Variants in RAB3IL1 observed in about 807,000 individuals in gnomAD.
RAB3IL1 encodes guanine nucleotide exchange factor for Rab-3A.
Under a neutral mutation model 49.2 loss-of-function variants are expected in RAB3IL1, and 37 were observed. That is an observed-to-expected ratio of 0.75 (90% CI 0.58 to 0.99). The LOEUF (loss-of-function observed/expected upper bound fraction) is 0.99. Ranked by LOEUF, RAB3IL1 falls within the 50% of genes least tolerant of loss-of-function variation. The pLI, the probability that RAB3IL1 is intolerant of heterozygous loss-of-function variation, is 0.00. For synonymous variants in RAB3IL1, 193 were observed against 213.9 expected (o/e 0.90, Z 0.85); for missense variants, 484 against 513.0 (o/e 0.94, Z 0.55).
At chr11:61,928,523 A>C in the RAB3IL1 span, among the ~76,000 whole-genome samples, 1 of 151,724 alleles carries the variant, frequency 6.6e-6, no homozygotes, top group Non-Finnish European at 1.5e-5. Flanking sequence ...GACCCTCAAA[A>C]TACATGGAGC....
At chr11:61,926,104 C>CAAAAAAAAAAAAAAA in the RAB3IL1 span, among the ~76,000 whole-genome samples, 7 of 64,058 alleles carry the variant, frequency 1.1e-4, no homozygotes, top group East Asian at 9.8e-4. Flanking sequence ...TCCTTCCTGC[C>CAAAAAAAAAAAAAAA]AAAAAAAAAA....
Position 61,904,541 on chromosome 11 carries a change from C to T in RAB3IL1, c.899+5G>A, listed in dbSNP as rs1345186428. The T allele has an allele frequency of 3.1e-6, 5 of 1,602,838 alleles. No individual in the cohort carries two copies. The highest frequency in any genetic ancestry group is 1.3e-5 in the African/African-American group (1 of 74,836). ...GGCAGGAAGGAGCTAAGACCCTCAG[C>T]TTACTTGGTGCTGCTACAGTCAACC... On this transcript the variant is annotated splice_donor_5th_base_variant and intron_variant, in intron 7 of 9. Coordinates refer to ENST00000394836, the MANE Select transcript of RAB3IL1 (RefSeq NM_013401.4).
In RAB3IL1 at chr11:61,898,496, C is replaced by T. The variant is rs1938726316; in HGVS notation, c.1067-136G>A. The T allele has an allele frequency of 1.4e-6, 1 of 709,838 alleles. No individual in the cohort carries two copies. Among genetic ancestry groups the T allele is most frequent in the East Asian group, 2.5e-5 (1 of 39,896 alleles). The allele number at this position is 709,838 out of a possible 1,614,324, so 44.0% of individuals were successfully genotyped here. A position where few individuals can be genotyped will look rare whatever the true frequency, so the allele number is the denominator to read the frequency against. On this transcript the variant is annotated intron_variant, in intron 9 of 9. Transcript: ENST00000394836. The surrounding 1 kb of genome is among the most constrained non-coding windows in gnomAD (Gnocchi z 5.1). ...GGTCCCCGGCCCCCAAAACAGATGA[C>T]CTCAGTGAGTGGCTGGACCTCTCTG...
intron 1 of RAB3IL1, among the ~76,000 whole-genome samples, chr11:61,910,701 T>G (rs934437824): frequency 6.6e-5 from 10 of 152,148 alleles, no homozygotes; most frequent in African/African-American, 2.4e-4. Context: ...CTGTGGACCC[T>G]TGCCAAGAAG....
At chr11:61,922,106 G>A (rs929795200), upstream of RAB3IL1, among the ~76,000 whole-genome samples, 46 of 152,252 alleles carry the variant, frequency 3.0e-4, no homozygotes, top group African/African-American at 1.1e-3. Context: ...CTACTCGGGA[G>A]GCTGAGGCAG....
chr11:61,937,582 T>G, the RAB3IL1 span, among the ~76,000 whole-genome samples: 1 of 151,956 alleles, frequency 6.6e-6, no homozygotes, highest in African/African-American at 2.4e-5. Flanking sequence ...TGGTAGGGCT[T>G]GAGTCACCAT....
chr11:61,920,232 G>C (rs1424730402), upstream of RAB3IL1: 4 of 1,241,932 alleles, frequency 3.2e-6, no homozygotes, highest in Non-Finnish European at 4.0e-6. Context: ...GGAGGGTGCC[G>C]GGAAGGGAGG....
intron 1 of RAB3IL1, among the ~76,000 whole-genome samples, chr11:61,915,553 C>T (rs531446433): frequency 6.6e-6 from 1 of 152,262 alleles, no homozygotes; most frequent in Non-Finnish European, 1.5e-5. Context: ...CTGAGTCCAC[C>T]CAGCCGGCAC....
chr11:61,902,116 T>A (rs1163979546), intron 8 of RAB3IL1, among the ~76,000 whole-genome samples: 1 of 151,670 alleles, frequency 6.6e-6, no homozygotes, highest in Non-Finnish European at 1.5e-5. Flanking sequence ...GGAGTTCGAG[T>A]TCAGCCTGGC....
Position 61,904,551 on chromosome 11 carries a change from G to A in RAB3IL1, c.894C>T (p.Ser298=). ...AGCTAAGACCCTCAGCTTACTTGGT[G>A]CTGCTACAGTCAACCTCGGCCACCT... The part of the protein sequence containing the change: ...TVKVAEVDCS[S]TNTCALSGLT... The change falls in exon 7 of 10, where the codon AGC becomes AGT. Residue 298 remains serine, a synonymous_variant. Coordinates refer to ENST00000394836, the MANE Select transcript of RAB3IL1 (RefSeq NM_013401.4). The A allele has an allele frequency of 6.2e-7, 1 of 1,608,120 alleles. No homozygotes were observed. Among genetic ancestry groups the A allele is most frequent in the Non-Finnish European group, 8.5e-7 (1 of 1,177,174 alleles).
chr11:61,903,395 G>C (rs928554420), intron 7 of RAB3IL1, among the ~76,000 whole-genome samples: 7 of 152,118 alleles, frequency 4.6e-5, no homozygotes, highest in African/African-American at 1.7e-4. Flanking sequence ...CAAGAAATGG[G>C]GAGAATCCCA....
chr11:61,937,140 A>G, the RAB3IL1 span, among the ~76,000 whole-genome samples: 1 of 152,330 alleles, frequency 6.6e-6, no homozygotes, highest in South Asian at 2.1e-4. Flanking sequence ...TACAATAACC[A>G]TAAATCTATG....
At chr11:61,914,877 AATAT>A in intron 1 of RAB3IL1, among the ~76,000 whole-genome samples, 1 of 152,272 alleles carries the variant, frequency 6.6e-6, no homozygotes, top group Non-Finnish European at 1.5e-5. Flanking sequence ...AACAGTCCCA[AATAT>A]ACACCTGCCA....
In RAB3IL1 at chr11:61,906,063, G is replaced by A. The variant is rs979249279; in HGVS notation, c.657+403C>T. Among the ~76,000 whole-genome samples, 6 of 152,110 alleles carry A rather than the reference G, an allele frequency of 3.9e-5. No individual in the cohort carries two copies. The highest frequency in any genetic ancestry group is 1.2e-4 in the African/African-American group (5 of 41,404). ...CTGTCACCAGGTGGTCCTGGGGCTC[G>A]AGGCTGTGGCCACACGGGGTCCAGG... On this transcript the variant is annotated intron_variant, in intron 5 of 9. Coordinates refer to ENST00000394836, the MANE Select transcript of RAB3IL1 (RefSeq NM_013401.4). The surrounding 1 kb of genome is among the most constrained non-coding windows in gnomAD (Gnocchi z 4.6).
At chr11:61,926,180 T>C in the RAB3IL1 span, among the ~76,000 whole-genome samples, 1 of 142,750 alleles carries the variant, frequency 7.0e-6, no homozygotes, top group African/African-American at 2.6e-5. Context: ...GCAATGGCAA[T>C]GCGTTAATAT....
chr11:61,919,541 G>A (rs926908809), upstream of RAB3IL1, among the ~76,000 whole-genome samples: 1 of 152,146 alleles, frequency 6.6e-6, no homozygotes, highest in African/African-American at 2.4e-5. Context: ...TCTTACACCC[G>A]TTTTCCAAAA....
At chr11:61,936,135 G>A in the RAB3IL1 span, among the ~76,000 whole-genome samples, 3 of 152,234 alleles carry the variant, frequency 2.0e-5, no homozygotes, top group Non-Finnish European at 4.4e-5. Context: ...ATGGAGAAAA[G>A]CAAATGGAGT....
chr11:61,945,957 T>A, the RAB3IL1 span, among the ~76,000 whole-genome samples: 1 of 152,196 alleles, frequency 6.6e-6, no homozygotes, highest in Non-Finnish European at 1.5e-5. Context: ...GTCGTCTTTC[T>A]GTGGTGCCCA....
At chr11:61,931,503 C>T in the RAB3IL1 span, among the ~76,000 whole-genome samples, 1 of 152,100 alleles carries the variant, frequency 6.6e-6, no homozygotes, top group Admixed American at 6.6e-5. Flanking sequence ...AGATCTCGCT[C>T]TTAATAATGA....
Sources: allele counts gnomAD v4.1 joint callset (sites outside exome capture counted in the v4.1 genomes callset), GRCh38; gene constraint gnomAD v4.1.1; non-coding constraint Gnocchi (gnomAD v3.1); transcripts MANE v1.5; gene names NCBI Gene and HGNC (gene_info 2026-07-23, HGNC 2026-07-21).